The following KANSL1L variants were observed in gnomAD, a reference collection of about 807,000 sequenced individuals.
KANSL1L encodes KAT8 regulatory NSL complex subunit 1-like protein.
In KANSL1L, 25 loss-of-function variants were observed where a neutral mutation model predicts 108.6. That is an observed-to-expected ratio of 0.23 (90% confidence interval 0.17 to 0.32). KANSL1L has a LOEUF of 0.32. KANSL1L is among the 10% of genes least tolerant of loss of function. KANSL1L has a pLI of 1.00. For synonymous variants in KANSL1L, 405 were observed against 395.1 expected, an observed-to-expected ratio of 1.03 and a Z score of -0.30; for missense variants, 1,137 against 1,125.7, an observed-to-expected ratio of 1.01 and a Z score of -0.14.
Position 210,027,344 on chromosome 2 carries a change from C to G in KANSL1L, c.2403G>C (p.Arg801Ser). 2 of 1,612,382 alleles carry G rather than the reference C, an allele frequency of 1.2e-6. No individual in the cohort carries two copies. The highest frequency in any genetic ancestry group is 1.7e-6 in the Non-Finnish European group (2 of 1,178,580). Reference sequence around the variant, plus strand: ...CATCCAAAGGCTGAAGAACAACCATCCTCCAGCTGTTGAAGATAAAAACCA... The same window carrying G: ...CATCCAAAGGCTGAAGAACAACCATGCTCCAGCTGTTGAAGATAAAAACCA... ...QYKEILTPSW[R>S]MVVLQPLDEY... Residue 801 changes from arginine (R) to serine (S), a missense_variant, in exon 12 of 15, where the codon AGG (arginine) becomes AGC (serine). Around this residue, in one of 3 missense-constraint regions of KANSL1L, gnomAD observed 575 missense variants for 567.1 expected, o/e 1.01. Transcript: ENST00000281772.
At chr2:210,161,015 G>C (rs1210608359) in intron 1 of KANSL1L, among the ~76,000 whole-genome samples, 2 of 145,654 alleles carry the variant, frequency 1.4e-5, no homozygotes, top group Non-Finnish European at 3.0e-5. Context: ...TTGAGACGGA[G>C]TTTCACTCTG....
At chr2:210,099,554 T>A (rs1395743216) in intron 4 of KANSL1L, among the ~76,000 whole-genome samples, 2 of 152,230 alleles carry the variant, frequency 1.3e-5, no homozygotes, top group African/African-American at 2.4e-5. Flanking sequence ...AAAGCTCATT[T>A]TTAAAATCAC....
intron 1 of KANSL1L, among the ~76,000 whole-genome samples, chr2:210,169,654 T>G (rs551044261): frequency 6.6e-6 from 1 of 152,322 alleles, no homozygotes; most frequent in East Asian, 1.9e-4. Context: ...CATAAAAAAT[T>G]ACTCCAGACA....
At chr2:210,169,951 A>G (rs1012470440) in intron 1 of KANSL1L, among the ~76,000 whole-genome samples, 2 of 152,184 alleles carry the variant, frequency 1.3e-5, no homozygotes, top group Admixed American at 6.5e-5. Context: ...CTTTCTTACA[A>G]TCTCTTAAGA....
At chr2:210,068,039 G>A (rs539386047) in intron 6 of KANSL1L, among the ~76,000 whole-genome samples, 31 of 151,892 alleles carry the variant, frequency 2.0e-4, no homozygotes, top group South Asian at 6.2e-4. Context: ...CACCACACCC[G>A]GCTAATTTTT....
At chr2:210,133,441 C>T (rs1476987702) in intron 2 of KANSL1L, among the ~76,000 whole-genome samples, 2 of 152,070 alleles carry the variant, frequency 1.3e-5, no homozygotes, top group African/African-American at 4.8e-5. Context: ...TTCCACAATG[C>T]CAGAACATCT....
intron 2 of KANSL1L, chr2:210,151,981 TTTTTAAC>T (rs1405457074): frequency 2.6e-5 from 4 of 152,346 alleles, no homozygotes; most frequent in South Asian, 2.1e-4. Flanking sequence ...AAAAAGTTTA[TTTTTAAC>T]TTTTAAGTTC....
At chr2:210,168,932 TTC>T (rs1414170161) in intron 1 of KANSL1L, among the ~76,000 whole-genome samples, 3 of 152,114 alleles carry the variant, frequency 2.0e-5, no homozygotes, top group African/African-American at 7.2e-5. Context: ...TGAAATATAT[TTC>T]TTTCTCTCAA....
chr2:210,099,710 A>T (rs1460938329), intron 4 of KANSL1L, among the ~76,000 whole-genome samples: 1 of 152,178 alleles, frequency 6.6e-6, no homozygotes, highest in Non-Finnish European at 1.5e-5. Flanking sequence ...AAATCTTTTA[A>T]GCCACTGGAC....
chr2:210,029,441 C>G (rs2093983794), intron 10 of KANSL1L, among the ~76,000 whole-genome samples: 1 of 151,888 alleles, frequency 6.6e-6, no homozygotes, highest in African/African-American at 2.4e-5. Flanking sequence ...TCTCTATTCC[C>G]TGGCCAGATA....
intron 2 of KANSL1L, among the ~76,000 whole-genome samples, chr2:210,147,019 G>T (rs1045068811): frequency 6.6e-6 from 1 of 152,114 alleles, no homozygotes; most frequent in African/African-American, 2.4e-5. Context: ...TCCCAGCTTT[G>T]CCATTAACTA....
intron 6 of KANSL1L, among the ~76,000 whole-genome samples, chr2:210,048,713 T>C (rs935670443): frequency 1.3e-5 from 2 of 152,082 alleles, no homozygotes; most frequent in African/African-American, 4.8e-5. Flanking sequence ...CATGTGGCCT[T>C]AGTGTTGTGT....
intron 6 of KANSL1L, among the ~76,000 whole-genome samples, chr2:210,052,375 G>A (rs993980034): frequency 6.6e-5 from 10 of 152,040 alleles, no homozygotes; most frequent in Non-Finnish European, 1.5e-5. Context: ...ACAACAGGCT[G>A]CCCTGGAAGT....
At chr2:210,073,645 A>C (rs781452922) in intron 6 of KANSL1L, among the ~76,000 whole-genome samples, 2 of 152,302 alleles carry the variant, frequency 1.3e-5, no homozygotes, top group African/African-American at 2.4e-5. Flanking sequence ...AGATTTATAG[A>C]GCATTTGAAT....
chr2:210,047,318 ACT>A (rs2094235490), intron 6 of KANSL1L, among the ~76,000 whole-genome samples: 1 of 152,058 alleles, frequency 6.6e-6, no homozygotes, highest in South Asian at 2.1e-4. Flanking sequence ...TTCTTCTGGC[ACT>A]CTATCATAAG....
intron 4 of KANSL1L, among the ~76,000 whole-genome samples, chr2:210,103,120 T>C (rs534745779): frequency 6.6e-6 from 1 of 152,310 alleles, no homozygotes; most frequent in East Asian, 1.9e-4. Context: ...ATATACACCA[T>C]GGAATACTAT....
chr2:210,163,596 G>T (rs2095372349), intron 1 of KANSL1L, among the ~76,000 whole-genome samples: 2 of 151,908 alleles, frequency 1.3e-5, no homozygotes, highest in Admixed American at 1.3e-4. Flanking sequence ...AAAGAAAATT[G>T]AAACAATAAT....
At chr2:210,029,711 C>T (rs113172150) in intron 10 of KANSL1L, 92 bp downstream of exon 10, 4 of 614,854 alleles carry the variant, frequency 6.5e-6, no homozygotes, top group Non-Finnish European at 1.1e-5. Context: ...GCTAGTAAGG[C>T]TGTTATAGAT....
chr2:210,065,525 T>A (rs969427521), intron 6 of KANSL1L, among the ~76,000 whole-genome samples: 1 of 151,396 alleles, frequency 6.6e-6, no homozygotes, highest in Non-Finnish European at 1.5e-5. Context: ...GTAAGACCCT[T>A]CATTAACACC....
Sources: allele counts gnomAD v4.1 joint callset (sites outside exome capture counted in the v4.1 genomes callset), GRCh38; gene constraint gnomAD v4.1.1; regional missense constraint gnomAD v4.1.1; transcripts MANE v1.5; gene names NCBI Gene and HGNC (gene_info 2026-07-23, HGNC 2026-07-21).